Variants in UBE2K observed in about 807,000 individuals in gnomAD.
UBE2K encodes ubiquitin-conjugating enzyme E2 K.
A neutral mutation model predicts 30.0 loss-of-function variants in UBE2K; 6 were observed. The observed-to-expected ratio is 0.20, with a 90% CI of 0.11 to 0.39. The LOEUF is 0.39. Ranked by LOEUF, UBE2K falls within the 10% of genes least tolerant of loss-of-function variation. The pLI, the probability that UBE2K is intolerant of heterozygous loss-of-function variation, is 1.00. For missense variants in UBE2K, 61 were observed against 241.6 expected, an observed-to-expected ratio of 0.25 and a Z score of 4.96; for synonymous variants, 86 against 83.7, an observed-to-expected ratio of 1.03 and a Z score of -0.15.
intron 2 of UBE2K, among the ~76,000 whole-genome samples, chr4:39,745,306 T>C (rs918808032): frequency 6.6e-6 from 1 of 152,232 alleles, no homozygotes; most frequent in Admixed American, 6.5e-5. Context: ...AAGTAGAATT[T>C]TGTTTATGGC....
intron 2 of UBE2K, among the ~76,000 whole-genome samples, chr4:39,738,242 T>C (rs900363839): frequency 6.6e-6 from 1 of 152,208 alleles, no homozygotes; most frequent in Non-Finnish European, 1.5e-5. Flanking sequence ...CATATAACAA[T>C]ATATGGTAAC....
intron 1 of UBE2K, among the ~76,000 whole-genome samples, chr4:39,733,051 G>GAAAAA (rs59978380): frequency 3.7e-4 from 36 of 97,032 alleles, no homozygotes; most frequent in Non-Finnish European, 4.7e-4. Flanking sequence ...GGAACATCAG[G>GAAAAA]AAAAAAAAAA....
intron 1 of UBE2K, among the ~76,000 whole-genome samples, chr4:39,719,015 C>T (rs1719272973): frequency 6.6e-6 from 1 of 152,250 alleles, no homozygotes; most frequent in Admixed American, 6.5e-5. Context: ...GCCGAGGAGG[C>T]ACCAAGAGTG....
intron 4 of UBE2K, chr4:39,770,861 C>T (rs1018585258): frequency 5.2e-6 from 8 of 1,542,392 alleles, no homozygotes; most frequent in Non-Finnish European, 7.0e-6. Flanking sequence ...CCTCGGCTTT[C>T]AGCTCCAAGT....
At chr4:39,774,020 G>A (rs1713117777) in intron 4 of UBE2K, among the ~76,000 whole-genome samples, 1 of 152,152 alleles carries the variant, frequency 6.6e-6, no homozygotes, top group Admixed American at 6.6e-5. Context: ...AAAGCTGGCC[G>A]AGTGTAGTAG....
intron 4 of UBE2K, chr4:39,771,156 T>C: frequency 1.2e-6 from 2 of 1,612,922 alleles, no homozygotes; most frequent in Non-Finnish European, 1.7e-6. Context: ...TAACAGCGAA[T>C]TCCAGGGTGC....
chr4:39,751,804 A>G (rs1044828088), intron 3 of UBE2K, among the ~76,000 whole-genome samples: 6 of 152,088 alleles, frequency 3.9e-5, no homozygotes, highest in African/African-American at 1.4e-4. Context: ...TGTCACTACT[A>G]AAAAATAGAA....
chr4:39,714,550 A>ATATATATATATATATATATATATTTTTTT, intron 1 of UBE2K: 3 of 17,856 alleles, frequency 1.7e-4, no homozygotes, highest in African/African-American at 2.5e-4. Context: ...ATATATATAT[A>ATATATATATATATATATATATATTTTTTT]TTTTTTTTTT....
At chr4:39,738,822 C>T (rs776081227) in intron 2 of UBE2K, among the ~76,000 whole-genome samples, 5 of 151,954 alleles carry the variant, frequency 3.3e-5, no homozygotes, top group Non-Finnish European at 5.9e-5. Context: ...GGATTACAGG[C>T]GCACCACCAT....
chr4:39,736,013 GTTT>G lies in UBE2K; in HGVS notation c.64-1398_64-1396del, dbSNP rs11323808. Among the ~76,000 whole-genome samples the G allele has an allele frequency of 4.1e-4, 61 of 149,252 alleles. 1 individual carries two copies. The highest frequency in any genetic ancestry group is 1.2e-3 in the Admixed American group (18 of 14,904). ...ACATAGAAAAAGAGTAAAAATTGTG[GTTT>G]TTTTTTTTGGGTTGGAGGAGGAAGC... On this transcript the variant is annotated intron_variant, in intron 1 of 6. Transcript: ENST00000261427.
chr4:39,737,607 G>A, intron 2 of UBE2K, 94 bp downstream of exon 2: 1 of 781,872 alleles, frequency 1.3e-6, no homozygotes, highest in Non-Finnish European at 2.0e-6. Flanking sequence ...AAATTATATG[G>A]AGGGTAACTT....
intron 1 of UBE2K, among the ~76,000 whole-genome samples, chr4:39,730,190 C>CTTTTT (rs1007627015): frequency 6.7e-6 from 1 of 149,188 alleles, no homozygotes; most frequent in African/African-American, 2.5e-5. Context: ...CAGAACTTAA[C>CTTTTT]TTTTTTTTTT....
At chr4:39,771,372 G>T in intron 4 of UBE2K, 2 of 1,612,770 alleles carry the variant, frequency 1.2e-6, no homozygotes, top group Non-Finnish European at 1.7e-6. Flanking sequence ...GCTTGTTCAT[G>T]TTCCGTAGCG....
At chr4:39,734,711 C>A (rs1046785986) in intron 1 of UBE2K, among the ~76,000 whole-genome samples, 15 of 152,078 alleles carry the variant, frequency 9.9e-5, no homozygotes, top group Admixed American at 9.2e-4. Flanking sequence ...ACTGGTTAGG[C>A]CGAGGTGGGA....
At chr4:39,733,435 C>A (rs1209060547) in intron 1 of UBE2K, among the ~76,000 whole-genome samples, 1 of 149,952 alleles carries the variant, frequency 6.7e-6, no homozygotes, top group African/African-American at 2.4e-5. Context: ...CAAGTTCAAG[C>A]CATTCTTCTG....
At chr4:39,741,796 C>T (rs1720717478) in intron 2 of UBE2K, among the ~76,000 whole-genome samples, 1 of 152,150 alleles carries the variant, frequency 6.6e-6, no homozygotes, top group Admixed American at 6.6e-5. Flanking sequence ...TTGTTGACAG[C>T]TTAAAAATTC....
At chr4:39,721,326 G>A (rs1205210315) in intron 1 of UBE2K, among the ~76,000 whole-genome samples, 1 of 152,064 alleles carries the variant, frequency 6.6e-6, no homozygotes. Flanking sequence ...AGAAATTATT[G>A]TAGTATGGGG....
chr4:39,718,495 G>A (rs1719232070), intron 1 of UBE2K, among the ~76,000 whole-genome samples: 1 of 152,258 alleles, frequency 6.6e-6, no homozygotes, highest in Admixed American at 6.5e-5. Context: ...CTGCCCGCCA[G>A]TCCTGCGCCA....
chr4:39,762,936 CTTTTTT>C (rs869207095), intron 4 of UBE2K, among the ~76,000 whole-genome samples: 8 of 78,688 alleles, frequency 1.0e-4, no homozygotes, highest in Non-Finnish European at 1.2e-4. Context: ...CCAAAAAACA[CTTTTTT>C]TTTTTTTTTT....
Sources: allele counts gnomAD v4.1 joint callset (sites outside exome capture counted in the v4.1 genomes callset), GRCh38; gene constraint gnomAD v4.1.1; transcripts MANE v1.5; gene names NCBI Gene and HGNC (gene_info 2026-07-23, HGNC 2026-07-21).